The following OXR1 variants were observed in gnomAD, a reference collection of about 807,000 sequenced individuals.
The protein encoded by OXR1 is oxidation resistance 1, also known as oxidation resistance protein 1.
A neutral mutation model predicts 104.6 loss-of-function variants in OXR1; 41 were observed. That is an observed-to-expected ratio of 0.39 (90% confidence interval 0.31 to 0.51). The LOEUF (loss-of-function observed/expected upper bound fraction) is 0.51. OXR1 is among the 20% of genes least tolerant of loss of function. The pLI is 0.77. For synonymous variants in OXR1, 348 were observed against 348.4 expected, an observed-to-expected ratio of 1.00 and a Z score of 0.01; for missense variants, 955 against 1,031.9, an observed-to-expected ratio of 0.93 and a Z score of 1.02.
chr8:106,652,896 CAG>C (rs1359379953), intron 3 of OXR1, among the ~76,000 whole-genome samples: 4 of 150,958 alleles, frequency 2.6e-5, no homozygotes, highest in South Asian at 2.1e-4. Context: ...AAGAAAAAAA[CAG>C]AGATGACTCA....
chr8:106,303,807 C>T (rs2130101558), intron 1 of OXR1, among the ~76,000 whole-genome samples: 1 of 152,234 alleles, frequency 6.6e-6, no homozygotes, highest in East Asian at 1.9e-4. Flanking sequence ...GTATGTGTTT[C>T]TCCTTCCAAA....
chr8:106,396,074 A>AATACATAC (rs77731302), intron 2 of OXR1, among the ~76,000 whole-genome samples: 4 of 151,688 alleles, frequency 2.6e-5, no homozygotes, highest in Admixed American at 6.6e-5. Context: ...TACTTATATA[A>AATACATAC]ATACATACAT....
chr8:106,617,280 G>A (rs1007556123), intron 3 of OXR1, among the ~76,000 whole-genome samples: 2 of 152,096 alleles, frequency 1.3e-5, no homozygotes, highest in Non-Finnish European at 2.9e-5. Flanking sequence ...AAAATTAGCC[G>A]GGCATGATGG....
intron 3 of OXR1, among the ~76,000 whole-genome samples, chr8:106,677,634 T>A (rs1827735381): frequency 6.6e-6 from 1 of 152,142 alleles, no homozygotes; most frequent in African/African-American, 2.4e-5. Context: ...CATTTTTACA[T>A]CCTCTTGTGA....
rs868446108 is a variant in OXR1 at position 106,411,897 on chromosome 8, A to G, written c.23+52261A>G. On this transcript the variant is annotated intron_variant, in intron 2 of 16. Transcript: ENST00000517566. ...ACAGGGTCTTACTAGCAGTGTGGGA[A>G]TTGAACACTTCGGAGCCAAAGTGCT... 5.9e-5 allele frequency among the ~76,000 whole-genome samples: 9 copies of G among 152,274 alleles called. No homozygotes were observed. The South Asian group carries it at 1.9e-3, about 32-fold the overall frequency.
At chr8:106,526,229 C>A (rs1251521961) in intron 3 of OXR1, among the ~76,000 whole-genome samples, 1 of 152,046 alleles carries the variant, frequency 6.6e-6, no homozygotes, top group Non-Finnish European at 1.5e-5. Context: ...TAACTGGGAA[C>A]TCAATTGGCT....
At chr8:106,693,593 C>A (rs1829534814) in intron 7 of OXR1, among the ~76,000 whole-genome samples, 1 of 151,904 alleles carries the variant, frequency 6.6e-6, no homozygotes, top group Non-Finnish European at 1.5e-5. Flanking sequence ...CCACATCTGG[C>A]TAACTTTTTG....
At chr8:106,718,938 A>G (rs1018202919) in intron 11 of OXR1, among the ~76,000 whole-genome samples, 1 of 152,186 alleles carries the variant, frequency 6.6e-6, no homozygotes, top group African/African-American at 2.4e-5. Context: ...AAAATGATTA[A>G]GGAAACCTTT....
At chr8:106,682,200 A>T (rs994017475) in intron 4 of OXR1, among the ~76,000 whole-genome samples, 2 of 148,730 alleles carry the variant, frequency 1.3e-5, no homozygotes, top group African/African-American at 4.9e-5. Context: ...TTCCAACTAG[A>T]TTGTAAATTC....
At chr8:106,346,855 C>T (rs530680134) in intron 1 of OXR1, among the ~76,000 whole-genome samples, 5 of 152,248 alleles carry the variant, frequency 3.3e-5, no homozygotes, top group African/African-American at 7.2e-5. Context: ...TTGGCTAACA[C>T]GGTGAAACCC....
intron 2 of OXR1, among the ~76,000 whole-genome samples, chr8:106,382,968 C>T (rs913218071): frequency 5.3e-5 from 8 of 151,040 alleles, no homozygotes; most frequent in Non-Finnish European, 1.0e-4. Flanking sequence ...TCTATAGTAA[C>T]TTTGGGTGGA....
At chr8:106,414,053 T>C (rs1818570823) in intron 2 of OXR1, among the ~76,000 whole-genome samples, 1 of 152,118 alleles carries the variant, frequency 6.6e-6, no homozygotes, top group African/African-American at 2.4e-5. Flanking sequence ...TAATTTAATG[T>C]TTTATAATTT....
At chr8:106,344,424 G>A (rs538130350) in intron 1 of OXR1, among the ~76,000 whole-genome samples, 1 of 152,184 alleles carries the variant, frequency 6.6e-6, no homozygotes, top group Admixed American at 6.5e-5. Context: ...TGCAACCTCC[G>A]CCTCCCATGT....
intron 13 of OXR1, 120 bp downstream of exon 13, chr8:106,739,703 T>C: frequency 1.1e-6 from 1 of 929,076 alleles, no homozygotes; most frequent in South Asian, 1.8e-5. Flanking sequence ...TCCACTCCAG[T>C]GAAAAGAAAG....
At position 106,652,119 on chromosome 8, in the gene OXR1, T is replaced by A. The variant is rs150159343; in HGVS notation, c.221-27091T>A. 1.6e-4 allele frequency among the ~76,000 whole-genome samples: 25 copies of A among 152,210 alleles called. No individual in the cohort carries two copies. The East Asian group carries it at 4.8e-3, about 29-fold the overall frequency. ...ATCTCTTTCTAATCGCACAAAAACA[T>A]CTTGTGCTGGCACTGGTGATCTTTG... On this transcript the variant is annotated intron_variant, in intron 3 of 16. Transcript: ENST00000517566.
At chr8:106,685,990 T>C (rs1828677213) in intron 6 of OXR1, among the ~76,000 whole-genome samples, 1 of 152,124 alleles carries the variant, frequency 6.6e-6, no homozygotes, top group African/African-American at 2.4e-5. Flanking sequence ...CTGGATGGAA[T>C]TGGAGACTCT....
chr8:106,690,270 A>G (rs1829148208), intron 6 of OXR1, among the ~76,000 whole-genome samples: 1 of 150,918 alleles, frequency 6.6e-6, no homozygotes, highest in Non-Finnish European at 1.5e-5. Context: ...CAAATGTGTA[A>G]ATAACACATA....
chr8:106,338,537 T>TG (rs962228309), intron 1 of OXR1, among the ~76,000 whole-genome samples: 2 of 143,552 alleles, frequency 1.4e-5, no homozygotes, highest in Non-Finnish European at 3.0e-5. Context: ...CACTCTACCC[T>TG]GGGGGACAGA....
intron 12 of OXR1, 25 bp downstream of exon 12, chr8:106,737,625 C>T: frequency 1.0e-6 from 1 of 995,222 alleles, no homozygotes; most frequent in Non-Finnish European, 1.4e-6. Flanking sequence ...AGTTTAAACC[C>T]CTCCAGAGAC....
Sources: allele counts gnomAD v4.1 joint callset (sites outside exome capture counted in the v4.1 genomes callset), GRCh38; gene constraint gnomAD v4.1.1; transcripts MANE v1.5; gene names NCBI Gene and HGNC (gene_info 2026-07-23, HGNC 2026-07-21).